GLIS3: variants seen among roughly 807,000 people sequenced by gnomAD.
GLIS3 encodes the protein GLIS family zinc finger 3.
In GLIS3, 53 loss-of-function variants were observed where a neutral mutation model predicts 78.6. The observed-to-expected ratio is 0.67, with a 90% confidence interval of 0.54 to 0.85. The LOEUF (loss-of-function observed/expected upper bound fraction) is 0.85, where lower values mean the gene tolerates loss of function less well. GLIS3 is among the 40% of genes least tolerant of loss of function. The probability of loss-of-function intolerance (pLI) is 0.00; values close to 1 mark genes in which losing one functional copy is unlikely to be tolerated. For missense variants in GLIS3, 1,703 were observed against 1,231.1 expected, an observed-to-expected ratio of 1.38 and a Z score of -5.74; for synonymous variants, 684 against 509.9, an observed-to-expected ratio of 1.34 and a Z score of -4.60.
At chr9:4,154,086 CTT>C (rs1306405520) in intron 2 of GLIS3, among the ~76,000 whole-genome samples, 1 of 152,238 alleles carries the variant, frequency 6.6e-6, no homozygotes, top group Non-Finnish European at 1.5e-5. Context: ...CTGCACATGA[CTT>C]GAGCTTCCCA....
At position 4,286,169 on chromosome 9, in the gene GLIS3, G is replaced by T; in HGVS notation, c.257C>A (p.Pro86His). ...ESRIHLPALS[P>H]RRQMLTNGKP... ...CCCATTGGTGAGCATTTGTCTCCTG[G>T]GGCTTAAGGCAGGCAGATGGATGCG... Residue 86 changes from proline to histidine, a missense_variant, in exon 2 of 11, where the codon CCC (proline) becomes CAC (histidine). By Grantham distance (77) the Pro-to-His change is moderately conservative. Coordinates refer to ENST00000381971, the MANE Select transcript of GLIS3 (RefSeq NM_001042413.2). 2.5e-6 allele frequency: 4 copies of T among 1,614,214 alleles called. No individual in the cohort carries two copies. The highest frequency in any genetic ancestry group is 2.5e-6 in the Non-Finnish European group (3 of 1,180,038).
chr9:3,898,022 T>C (rs564596116), intron 7 of GLIS3, among the ~76,000 whole-genome samples: 11 of 152,222 alleles, frequency 7.2e-5, no homozygotes, highest in Non-Finnish European at 1.0e-4. Flanking sequence ...TTTGCATAAG[T>C]ATATCACCAT....
chr9:4,181,669 T>C (rs1184889685), intron 2 of GLIS3, among the ~76,000 whole-genome samples: 1 of 152,232 alleles, frequency 6.6e-6, no homozygotes, highest in Non-Finnish European at 1.5e-5. Flanking sequence ...ATCTATATAT[T>C]CTTTGAAGCC....
the GLIS3 span, among the ~76,000 whole-genome samples, chr9:4,468,817 C>G: frequency 3.9e-5 from 6 of 152,228 alleles, no homozygotes; most frequent in South Asian, 1.0e-3. Flanking sequence ...GGGCTAAATG[C>G]TCCAATTAAA....
Position 4,034,678 on chromosome 9 carries a change from G to C in GLIS3, c.1710+83090C>G, listed in dbSNP as rs1056485513. On this transcript the variant is annotated intron_variant, in intron 4 of 10. Coordinates refer to ENST00000381971, the MANE Select transcript of GLIS3 (RefSeq NM_001042413.2). ...ATTGTTTGGGGAGCCACATGACACC[G>C]GGATCACAGGAACTCTCTTTTTTGA... 5 of 152,238 alleles carry C rather than the reference G, an allele frequency of 3.3e-5. No individual in the cohort carries two copies. The East Asian group carries it at 5.8e-4, about 18-fold the overall frequency. 9.4% of individuals were successfully genotyped at this position (152,238 alleles called of 1,614,324 possible).
intron 4 of GLIS3, among the ~76,000 whole-genome samples, chr9:4,016,602 G>A (rs1181671937): frequency 1.2e-4 from 19 of 152,162 alleles, no homozygotes; most frequent in Admixed American, 1.2e-3. Context: ...AGATTTCTGA[G>A]CTTGTTTGCA....
chr9:4,255,197 G>C (rs561156268), intron 2 of GLIS3, among the ~76,000 whole-genome samples: 36 of 152,288 alleles, frequency 2.4e-4, no homozygotes, highest in African/African-American at 8.2e-4. Context: ...CCTAAATTCA[G>C]AACACTGACA....
chr9:4,090,632 G>T (rs1293399627), intron 4 of GLIS3, among the ~76,000 whole-genome samples: 1 of 152,162 alleles, frequency 6.6e-6, no homozygotes, highest in Non-Finnish European at 1.5e-5. Flanking sequence ...AAGGACACTG[G>T]AATCAGACAG....
At chr9:3,859,439 G>A (rs945473973) in intron 8 of GLIS3, among the ~76,000 whole-genome samples, 1 of 151,318 alleles carries the variant, frequency 6.6e-6, no homozygotes, top group Non-Finnish European at 1.5e-5. Context: ...GTCCCCAAAA[G>A]TTAACTGAGA....
Position 4,311,182 on chromosome 9 carries a change from G to A in GLIS3, n.265-654C>T, listed in dbSNP as rs1052636368. 6.6e-5 allele frequency among the ~76,000 whole-genome samples: 10 copies of A among 152,188 alleles called. 1 individual carries two copies. Among genetic ancestry groups the A allele is most frequent in the Non-Finnish European group, 1.5e-5 (1 of 68,050 alleles). On this transcript the variant is annotated intron_variant and non_coding_transcript_variant, in intron 2 of 4. Transcript: ENST00000471664. ...CCAACACTTTGGGAGGCTGAGGCAG[G>A]CGGATCACTTGAGCCCCGGAGTTCA... is the stretch of plus-strand genomic sequence containing the variant.
intron 4 of GLIS3, among the ~76,000 whole-genome samples, chr9:3,976,311 T>G (rs952166755): frequency 2.6e-5 from 4 of 152,174 alleles, no homozygotes; most frequent in Non-Finnish European, 4.4e-5. Context: ...CTTTCCAAAC[T>G]TTATATTTCC....
intron 4 of GLIS3, among the ~76,000 whole-genome samples, chr9:4,076,942 C>G (rs10974317): frequency 0.32 from 48,485 of 151,976 alleles, 8,058 homozygotes; most frequent in East Asian, 0.4. Context: ...GCCTGTAGTC[C>G]TAGCTACTTG....
intron 4 of GLIS3, among the ~76,000 whole-genome samples, chr9:3,991,214 C>T (rs1165180257): frequency 6.6e-6 from 1 of 152,150 alleles, no homozygotes; most frequent in African/African-American, 2.4e-5. Flanking sequence ...AGGCACTTTA[C>T]TGAGATGCCT....
At chr9:4,041,937 G>C (rs1334181419) in intron 4 of GLIS3, among the ~76,000 whole-genome samples, 1 of 152,124 alleles carries the variant, frequency 6.6e-6, no homozygotes, top group African/African-American at 2.4e-5. Context: ...CTCTGCTTTA[G>C]TGTAATTCTG....
chr9:4,013,969 C>G (rs1822243436), intron 4 of GLIS3, among the ~76,000 whole-genome samples: 1 of 152,136 alleles, frequency 6.6e-6, no homozygotes, highest in Non-Finnish European at 1.5e-5. Context: ...AGGGGAGTGC[C>G]TTTTACTTCT....
At chr9:4,209,891 G>C (rs1321777893) in intron 2 of GLIS3, among the ~76,000 whole-genome samples, 1 of 151,552 alleles carries the variant, frequency 6.6e-6, no homozygotes, top group Non-Finnish European at 1.5e-5. Flanking sequence ...CACTGCTCCA[G>C]GCCAAGACTG....
intron 4 of GLIS3, among the ~76,000 whole-genome samples, chr9:3,976,936 G>A (rs144622116): frequency 9.7e-4 from 138 of 142,010 alleles, no homozygotes; most frequent in African/African-American, 3.2e-3. Flanking sequence ...TTGTTTAATC[G>A]CCCAGCAATG....
At chr9:3,898,965 G>A in intron 6 of GLIS3, 130 bp from the exon 7 acceptor site, 2 of 1,103,142 alleles carry the variant, frequency 1.8e-6, no homozygotes, top group Non-Finnish European at 2.7e-6. Flanking sequence ...TACGGGTAAG[G>A]CACAGAGCTT....
chr9:4,159,754 A>T (rs1272076947), intron 2 of GLIS3, among the ~76,000 whole-genome samples: 1 of 151,978 alleles, frequency 6.6e-6, no homozygotes, highest in Non-Finnish European at 1.5e-5. Context: ...AAAAGAAAAG[A>T]GATAATAAAT....
Sources: allele counts gnomAD v4.1 joint callset (sites outside exome capture counted in the v4.1 genomes callset), GRCh38; gene constraint gnomAD v4.1.1; transcripts MANE v1.5; gene names NCBI Gene and HGNC (gene_info 2026-07-23, HGNC 2026-07-21).